Variants in SMARCB1 observed in about 807,000 individuals in gnomAD.
The protein encoded by SMARCB1 is SWI/SNF-related matrix-associated actin-dependent regulator of chromatin subfamily B member 1.
A neutral mutation model predicts 49.0 loss-of-function variants in SMARCB1; 5 were observed. The ratio of observed to expected loss-of-function variants is 0.10; its 90% CI spans 0.05 to 0.21. The LOEUF is 0.21. SMARCB1 is among the 10% of genes least tolerant of loss of function. The pLI is 1.00. For missense variants in SMARCB1, 226 were observed against 509.2 expected, an observed-to-expected ratio of 0.44 and a Z score of 5.35; for synonymous variants, 201 against 200.1, an observed-to-expected ratio of 1.00 and a Z score of -0.04.
intron 4 of SMARCB1, chr22:23,801,406 A>G: frequency 1.6e-6 from 1 of 643,990 alleles, no homozygotes; most frequent in Non-Finnish European, 2.9e-6. Flanking sequence ...GATGGTGCAG[A>G]TGCCATCCAC....
At chr22:23,825,126 TG>T in intron 6 of SMARCB1, 98 bp from the exon 7 acceptor site, 1 of 938,262 alleles carries the variant, frequency 1.1e-6, no homozygotes, top group South Asian at 1.3e-5. Context: ...TGGTGGACCC[TG>T]GTGGGCAGGG....
intron 3 of SMARCB1, among the ~76,000 whole-genome samples, chr22:23,797,309 ATTATT>A (rs1568939482): frequency 4.5e-5 from 4 of 89,084 alleles, no homozygotes; most frequent in African/African-American, 2.2e-4. Context: ...GTTTTTTTTT[ATTATT>A]ATTATTTTTT....
chr22:23,837,917 C>A lies in SMARCB1; in HGVS notation c.*3737C>A. 6.7e-7 allele frequency: 1 copy of A among 1,497,188 alleles called. No homozygotes were observed. The highest frequency in any genetic ancestry group is 2.4e-5 in the East Asian group (1 of 42,516). 92.7% of individuals were successfully genotyped at this position (1,497,188 alleles called of 1,614,324 possible). Reference sequence around the variant, plus strand: ...CCCAAGCCCAGGGCCCCTCTGACTTCCCAAGACCCTGGAATTCTTCCCCTC... The same window carrying A: ...CCCAAGCCCAGGGCCCCTCTGACTTACCAAGACCCTGGAATTCTTCCCCTC... On this transcript the variant is annotated 3_prime_UTR_variant, in exon 9 of 9. Coordinates refer to ENST00000644036, the MANE Select transcript of SMARCB1 (RefSeq NM_003073.5).
intron 3 of SMARCB1, among the ~76,000 whole-genome samples, chr22:23,797,710 C>T (rs546389273): frequency 6.2e-5 from 9 of 144,012 alleles, no homozygotes; most frequent in Non-Finnish European, 1.4e-4. Flanking sequence ...CTCCCCTTCC[C>T]GGGTTCAAGT....
chr22:23,818,137 GGTGT>G (rs60463265), intron 6 of SMARCB1: 8,309 of 132,790 alleles, frequency 0.063, 283 homozygotes, highest in South Asian at 0.12. Context: ...AAATACTTTG[GGTGT>G]GTGTGTGTGT....
chr22:23,787,056 G>A lies in SMARCB1; in HGVS notation c.-114G>A, dbSNP rs948132674. On this transcript the variant is annotated 5_prime_UTR_variant, in exon 1 of 9. Coordinates refer to ENST00000644036, the MANE Select transcript of SMARCB1 (RefSeq NM_003073.5). ...CGGCTGAGGCGCCAGTACCCGGCCCGGTCCGCATTTCGCCTTCCGGCTTCG... is the reference window on the plus strand; with the variant it reads ...CGGCTGAGGCGCCAGTACCCGGCCCAGTCCGCATTTCGCCTTCCGGCTTCG... The A allele has an allele frequency of 1.0e-5, 7 of 701,712 alleles. No homozygotes were observed. Among genetic ancestry groups the A allele is most frequent in the South Asian group, 1.6e-5 (1 of 63,916 alleles). The allele number at this position is 701,712 out of a possible 1,614,324, so 43.5% of individuals were successfully genotyped here.
chr22:23,831,432 C>T (rs554531673), intron 7 of SMARCB1, among the ~76,000 whole-genome samples: 5 of 152,238 alleles, frequency 3.3e-5, no homozygotes, highest in South Asian at 4.1e-4. Flanking sequence ...GGGTCCCTGG[C>T]GGCTTCGAAG....
chr22:23,818,640 T>G (rs893978770), intron 6 of SMARCB1: 1 of 151,686 alleles, frequency 6.6e-6, no homozygotes, highest in Non-Finnish European at 1.5e-5. Flanking sequence ...CATCAAACAC[T>G]AACTCCCCAT....
At position 23,816,951 on chromosome 22, in the gene SMARCB1, A is replaced by C; in HGVS notation, c.795+15A>C. On this transcript the variant is annotated intron_variant, in intron 6 of 8. Coordinates refer to ENST00000644036, the MANE Select transcript of SMARCB1 (RefSeq NM_003073.5). Reference sequence around the variant, plus strand: ...TCATCATCAAGGTAGGTGACTTCTCACCCAGCACTGGAGCCTTCCTGGCCC... The same window carrying C: ...TCATCATCAAGGTAGGTGACTTCTCCCCCAGCACTGGAGCCTTCCTGGCCC... 1.2e-6 allele frequency: 2 copies of C among 1,611,482 alleles called. No individual in the cohort carries two copies. Among genetic ancestry groups the C allele is most frequent in the Non-Finnish European group, 1.7e-6 (2 of 1,178,336 alleles).
intron 7 of SMARCB1, among the ~76,000 whole-genome samples, chr22:23,831,866 A>G (rs1376285002): frequency 6.6e-6 from 1 of 152,208 alleles, no homozygotes; most frequent in African/African-American, 2.4e-5. Flanking sequence ...GCCAGGGACC[A>G]GCTGTCAGGA....
intron 3 of SMARCB1, among the ~76,000 whole-genome samples, chr22:23,797,547 T>C (rs1379759387): frequency 6.7e-6 from 1 of 148,446 alleles, no homozygotes; most frequent in Non-Finnish European, 1.5e-5. Context: ...CCTGACCTTG[T>C]GATCCGCCCA....
chr22:23,837,646 C>G lies in SMARCB1; in HGVS notation c.*3466C>G, dbSNP rs749339297. On this transcript the variant is annotated 3_prime_UTR_variant, in exon 9 of 9. Coordinates refer to ENST00000644036, the MANE Select transcript of SMARCB1 (RefSeq NM_003073.5). The stretch of plus-strand genomic sequence containing the variant: ...GCCAGCCTGGGGCGGACTAGATGTA[C>G]CGGGAGGCTCACCCAGCAGGTCCAC... 1.9e-6 allele frequency: 3 copies of G among 1,609,536 alleles called. No individual in the cohort carries two copies. In the Admixed American group the frequency reaches 5.0e-5, roughly 27 times the overall value.
At chr22:23,816,164 A>C in intron 5 of SMARCB1, 1 of 161,938 alleles carries the variant, frequency 6.2e-6, no homozygotes, top group Non-Finnish European at 1.4e-5. Context: ...GTTGACTGAG[A>C]GGACCTTGCT....
chr22:23,818,034 C>T (rs2146013246), intron 6 of SMARCB1: 1 of 152,344 alleles, frequency 6.6e-6, no homozygotes, highest in East Asian at 1.9e-4. Context: ...CCATATTTGT[C>T]AGTCTGGTCT....
At chr22:23,799,503 C>CCTG (rs1928993262) in intron 3 of SMARCB1, among the ~76,000 whole-genome samples, 1 of 130,572 alleles carries the variant, frequency 7.7e-6, no homozygotes, top group Non-Finnish European at 1.6e-5. Context: ...GTTTCGAACT[C>CCTG]ACCTTTTGGT....
At chr22:23,822,785 C>G (rs2146022224) in intron 6 of SMARCB1, among the ~76,000 whole-genome samples, 1 of 152,108 alleles carries the variant, frequency 6.6e-6, no homozygotes, top group Non-Finnish European at 1.5e-5. Context: ...TGGGCACATT[C>G]ACTTCTTCCT....
intron 6 of SMARCB1, among the ~76,000 whole-genome samples, chr22:23,821,097 G>A (rs114504225): frequency 0.12 from 18,832 of 152,248 alleles, 1,252 homozygotes; most frequent in South Asian, 0.27. Flanking sequence ...GCTGTTCCCT[G>A]CCCCACCAGA....
intron 5 of SMARCB1, chr22:23,803,850 C>T (rs1568943604): frequency 6.7e-6 from 2 of 298,912 alleles, no homozygotes; most frequent in Non-Finnish European, 1.3e-5. Flanking sequence ...TAGACATCCT[C>T]ACTCTGTAAG....
intron 5 of SMARCB1, 66 bp from the exon 6 acceptor site, chr22:23,816,704 A>T: frequency 6.9e-7 from 1 of 1,458,878 alleles, no homozygotes; most frequent in Non-Finnish European, 9.6e-7. Context: ...AGAAGGGGTG[A>T]GGGAGGCCGG....
Sources: allele counts gnomAD v4.1 joint callset (sites outside exome capture counted in the v4.1 genomes callset), GRCh38; gene constraint gnomAD v4.1.1; transcripts MANE v1.5; gene names NCBI Gene and HGNC (gene_info 2026-07-23, HGNC 2026-07-21).